IRAG1: variants seen among roughly 807,000 people sequenced by gnomAD.
The protein encoded by IRAG1 is IP3R-associated cGMP kinase substrate.
A neutral mutation model predicts 106.2 loss-of-function variants in IRAG1; 62 were observed. The ratio of observed to expected loss-of-function variants is 0.58; its 90% confidence interval spans 0.48 to 0.72. IRAG1 has a LOEUF of 0.72. Ranked by LOEUF, IRAG1 falls within the 30% of genes least tolerant of loss-of-function variation. The probability of loss-of-function intolerance (pLI) is 0.00; values close to 1 mark genes in which losing one functional copy is unlikely to be tolerated. For synonymous variants in IRAG1, 462 were observed against 443.9 expected (o/e 1.04, Z -0.51); for missense variants, 1,064 against 1,140.7 (o/e 0.93, Z 0.97).
chr11:10,619,553 C>T (rs1295904175), intron 10 of IRAG1, among the ~76,000 whole-genome samples: 1 of 152,164 alleles, frequency 6.6e-6, no homozygotes, highest in Non-Finnish European at 1.5e-5. Context: ...GGTTGCCCAC[C>T]ACATCTCTAG....
chr11:10,583,795 A>G (rs1718762540), intron 18 of IRAG1, among the ~76,000 whole-genome samples: 1 of 152,174 alleles, frequency 6.6e-6, no homozygotes, highest in Admixed American at 6.5e-5. Context: ...TAACAAAGGT[A>G]AGATGATGAT....
chr11:10,648,878 TGTGTGAGA>T (rs1038407713), intron 2 of IRAG1, among the ~76,000 whole-genome samples: 2 of 152,148 alleles, frequency 1.3e-5, no homozygotes, highest in African/African-American at 4.8e-5. Context: ...TTTGTGTTTG[TGTGTGAGA>T]AGGCCTCGGC....
intron 15 of IRAG1, among the ~76,000 whole-genome samples, chr11:10,599,061 G>C (rs575115972): frequency 1.3e-5 from 2 of 152,314 alleles, no homozygotes; most frequent in African/African-American, 4.8e-5. Flanking sequence ...AACTGGAGTG[G>C]AAACAAATAT....
At chr11:10,691,767 G>C (rs1433100257) in intron 1 of IRAG1, among the ~76,000 whole-genome samples, 2 of 152,098 alleles carry the variant, frequency 1.3e-5, no homozygotes, top group African/African-American at 4.8e-5. Context: ...TTGCAAGGGG[G>C]CCGGTGATTC....
At position 10,628,492 on chromosome 11, in the gene IRAG1, T is replaced by C. The variant is rs966345496; in HGVS notation, c.652+259A>G. 6.6e-6 allele frequency among the ~76,000 whole-genome samples: 1 copy of C among 152,114 alleles called. No individual in the cohort carries two copies. Among genetic ancestry groups the C allele is most frequent in the Non-Finnish European group, 1.5e-5 (1 of 68,002 alleles). On this transcript the variant is annotated intron_variant, in intron 6 of 20. Transcript: ENST00000423302. This position sits in a 1 kb window ranked among gnomAD's most constrained non-coding sequence, Gnocchi z 4.1. ...GCCAGAGAGGCTGTCCTAGTCCCCT[T>C]TCCCACCCAGCCTTCCTGACCCTGG...
At chr11:10,661,142 CCT>C (rs142534011) in intron 1 of IRAG1, among the ~76,000 whole-genome samples, 2,050 of 152,274 alleles carry the variant, frequency 0.013, 49 homozygotes, top group African/African-American at 0.046. Context: ...AGGCTGATCC[CCT>C]CTTTCAACCT....
chr11:10,587,464 G>C (rs763842623), intron 18 of IRAG1, among the ~76,000 whole-genome samples: 6 of 152,104 alleles, frequency 3.9e-5, no homozygotes, highest in Non-Finnish European at 8.8e-5. Context: ...AGTTTATTGG[G>C]GTGGGTGGCG....
At chr11:10,599,254 C>T (rs1406667747) in intron 15 of IRAG1, among the ~76,000 whole-genome samples, 1 of 152,138 alleles carries the variant, frequency 6.6e-6, no homozygotes, top group East Asian at 1.9e-4. Flanking sequence ...TGACTGTGTG[C>T]CCTTTACCTC....
rs978512789 is a variant in IRAG1, at chr11:10,575,335, A to G, written c.*997T>C. 1.3e-5 allele frequency: 2 copies of G among 152,268 alleles called. No homozygotes were observed. The highest frequency in any genetic ancestry group is 4.8e-5 in the African/African-American group (2 of 41,474). The allele number at this position is 152,268 out of a possible 1,614,324, so 9.4% of individuals were successfully genotyped here. ...AGTAAGAGACTGAAGCAGAAAGCAC[A>G]TCTTCTCTCCTCATTCACCTGTGAG... On this transcript the variant is annotated 3_prime_UTR_variant, in exon 21 of 21. Transcript: ENST00000423302.
At chr11:10,612,196 C>A (rs558296843) in intron 10 of IRAG1, among the ~76,000 whole-genome samples, 1 of 152,096 alleles carries the variant, frequency 6.6e-6, no homozygotes, top group South Asian at 2.1e-4. Context: ...GAGGAGTAGC[C>A]GTTGGGAAGC....
At chr11:10,664,869 A>G (rs1859670100) in intron 1 of IRAG1, among the ~76,000 whole-genome samples, 1 of 152,236 alleles carries the variant, frequency 6.6e-6, no homozygotes, top group Non-Finnish European at 1.5e-5. Flanking sequence ...TGTGAGACAG[A>G]GCACAGCTAA....
At chr11:10,693,399 AC>A (rs1348410229) in intron 1 of IRAG1, 136 bp downstream of exon 1, 11 of 1,435,468 alleles carry the variant, frequency 7.7e-6, no homozygotes, top group Non-Finnish European at 9.1e-6. Flanking sequence ...CTGAAATGCC[AC>A]CCAACAAAGC....
At chr11:10,656,852 G>T (rs569145280) in intron 1 of IRAG1, among the ~76,000 whole-genome samples, 6 of 152,176 alleles carry the variant, frequency 3.9e-5, no homozygotes, top group African/African-American at 1.2e-4. Flanking sequence ...CTTGAGTGTG[G>T]CAGAAAAGAC....
chr11:10,632,025 G>C lies in IRAG1; in HGVS notation c.366C>G (p.His122Gln). Reference protein sequence around the residue: ...HSPHKRLSHRHLKVSTASLTS... With the variant: ...HSPHKRLSHRQLKVSTASLTS... ...TCAGGGAGGCAGTGGACACCTTCAA[G>C]TGTCGGTGAGAAAGCCTCTTGTGGG... Residue 122 changes from histidine to glutamine, a missense_variant, in exon 4 of 21, where the codon CAC becomes CAG. By Grantham distance (24) the His-to-Gln change is conservative. Transcript: ENST00000423302. 1.2e-6 allele frequency: 2 copies of C among 1,613,894 alleles called. No individual in the cohort carries two copies. The highest frequency in any genetic ancestry group is 1.7e-6 in the Non-Finnish European group (2 of 1,179,856).
At chr11:10,636,425 C>T (rs1187463025) in intron 2 of IRAG1, among the ~76,000 whole-genome samples, 6 of 152,174 alleles carry the variant, frequency 3.9e-5, no homozygotes, top group South Asian at 2.1e-4. Context: ...GATCTTCCCA[C>T]GTCTGCCTCT....
At chr11:10,635,542 G>C (rs1057058594) in intron 2 of IRAG1, among the ~76,000 whole-genome samples, 10 of 152,230 alleles carry the variant, frequency 6.6e-5, no homozygotes, top group African/African-American at 1.4e-4. Context: ...ATGGGCTGGA[G>C]CCTCTGGCAG....
At chr11:10,656,372 G>A (rs964706494) in intron 1 of IRAG1, among the ~76,000 whole-genome samples, 4 of 152,214 alleles carry the variant, frequency 2.6e-5, no homozygotes, top group Non-Finnish European at 5.9e-5. Context: ...TACAGGCCGG[G>A]AAACTGAGGT....
intron 2 of IRAG1, among the ~76,000 whole-genome samples, chr11:10,635,597 C>G (rs1591648128): frequency 6.6e-6 from 1 of 152,208 alleles, no homozygotes; most frequent in African/African-American, 2.4e-5. Flanking sequence ...GTGTTGGTTC[C>G]CTGCAAGGTA....
chr11:10,664,279 A>C (rs1352642262), intron 1 of IRAG1, among the ~76,000 whole-genome samples: 3 of 152,140 alleles, frequency 2.0e-5, no homozygotes, highest in Non-Finnish European at 4.4e-5. Context: ...GGAGCACCCC[A>C]GCTCAGGTCC....
Sources: gnomAD v4.1 joint callset for allele counts (sites outside exome capture counted in the v4.1 genomes callset) on GRCh38, gnomAD v4.1.1 for gene constraint, Gnocchi (gnomAD v3.1) non-coding constraint, MANE v1.5 for transcripts, NCBI Gene and HGNC (gene_info 2026-07-23, HGNC 2026-07-21) for gene names.